Variants in GFM2 observed in about 807,000 individuals in gnomAD.
The protein encoded by GFM2 is GTP dependent ribosome recycling factor mitochondrial 2, also known as ribosome-releasing factor 2, mitochondrial.
Under a neutral mutation model 95.4 loss-of-function variants are expected in GFM2, and 72 were observed. That is an observed-to-expected ratio of 0.76 (90% confidence interval 0.62 to 0.92). The LOEUF (loss-of-function observed/expected upper bound fraction) is 0.92. Among genes scored for constraint, GFM2 ranks in the 40% least tolerant of loss-of-function variants. GFM2 has a pLI of 0.00. For missense variants in GFM2, 825 were observed against 924.1 expected (o/e 0.89, Z 1.39); for synonymous variants, 276 against 317.5 (o/e 0.87, Z 1.39).
intron 17 of GFM2, among the ~76,000 whole-genome samples, chr5:74,729,820 A>C (rs1354938858): frequency 6.6e-6 from 1 of 152,090 alleles, no homozygotes; most frequent in African/African-American, 2.4e-5. Context: ...GAGTTTTTAC[A>C]TTTGGGAATA....
chr5:74,729,031 C>G (rs765372906), intron 17 of GFM2, among the ~76,000 whole-genome samples: 1 of 151,992 alleles, frequency 6.6e-6, no homozygotes, highest in Non-Finnish European at 1.5e-5. Context: ...GGATTACAGG[C>G]GTGAGCCACC....
intron 17 of GFM2, among the ~76,000 whole-genome samples, chr5:74,726,381 G>A (rs1375339853): frequency 1.3e-5 from 2 of 152,104 alleles, no homozygotes; most frequent in Non-Finnish European, 2.9e-5. Flanking sequence ...ATATGTTGAG[G>A]CACATGTTAC....
intron 10 of GFM2, among the ~76,000 whole-genome samples, chr5:74,744,917 T>C (rs982300785): frequency 2.0e-5 from 3 of 152,238 alleles, no homozygotes; most frequent in Non-Finnish European, 2.9e-5. Context: ...TAACTACACA[T>C]ATTTGCAACA....
intron 8 of GFM2, among the ~76,000 whole-genome samples, chr5:74,746,562 G>C (rs1468675559): frequency 6.6e-6 from 1 of 152,110 alleles, no homozygotes. Context: ...ACCATACAAG[G>C]CAACTAGCTT....
intron 11 of GFM2, among the ~76,000 whole-genome samples, chr5:74,741,172 G>A (rs1449642018): frequency 2.0e-5 from 3 of 152,108 alleles, no homozygotes; most frequent in Non-Finnish European, 4.4e-5. Flanking sequence ...GGTAATTGTA[G>A]TAGCCTGAAA....
In GFM2 at chr5:74,759,379, G is replaced by A. The variant is rs143465230; in HGVS notation, c.196C>T (p.Pro66Ser). 5 of 1,538,528 alleles carry A rather than the reference G, an allele frequency of 3.2e-6. No individual in the cohort carries two copies. The African/African-American group carries it at 4.2e-5, about 13-fold the overall frequency. The change falls in exon 4 of 21, where the codon CCC becomes TCC. Residue 66 changes from proline (P) to serine (S), a missense_variant. Coordinates refer to ENST00000296805, the MANE Select transcript of GFM2 (RefSeq NM_032380.5). Reference sequence around the variant, plus strand: ...AATGATAGTACTTACTTAGCTATGGGAGGATTGATGATGGAATGAAGGGAT... The same window carrying A: ...AATGATAGTACTTACTTAGCTATGGAAGGATTGATGATGGAATGAAGGGAT... ...IKSLHSIINP[P>S]IAKIRNIGIM... is the part of the protein sequence containing the mutation.
rs1437868536 is a variant in GFM2, at chr5:74,758,860, C to G, written c.293G>C (p.Arg98Thr). The part of the protein sequence containing the change: ...ERILYYSGYT[R>T]SLGDVDDGDT... The stretch of plus-strand genomic sequence containing the variant: ...GAATCCATTCTAACCTCCCAGTGAT[C>G]TTGTATATCCGGAATAGTACAATAT... The change falls in exon 5 of 21, where the codon AGA (arginine) becomes ACA (threonine). Residue 98 changes from arginine (R) to threonine (T), a missense_variant. Arg to Thr is a moderately conservative substitution (Grantham distance 71). Coordinates refer to ENST00000296805, the MANE Select transcript of GFM2 (RefSeq NM_032380.5). 4 of 1,593,526 alleles carry G rather than the reference C, an allele frequency of 2.5e-6. No homozygotes were observed. The South Asian group carries it at 4.4e-5, about 18-fold the overall frequency.
chr5:74,738,757 A>T (rs780509666), intron 12 of GFM2, 115 bp from the exon 13 acceptor site: 14 of 895,172 alleles, frequency 1.6e-5, no homozygotes, highest in Non-Finnish European at 2.3e-5. Flanking sequence ...ACTTAGAGCC[A>T]CTAAATAATG....
rs1221075961 is a variant in GFM2, at chr5:74,738,626, C to T, written c.1096G>A (p.Asp366Asn). The change falls in exon 13 of 21, where the codon GAC becomes AAC. Residue 366 changes from aspartate (D) to asparagine (N), a missense_variant. Coordinates refer to ENST00000296805, the MANE Select transcript of GFM2 (RefSeq NM_032380.5). ...NYEFLQWYKD[D>N]LCALAFKVLH... is the part of the protein sequence containing the mutation. ...ACTTTAAATGCCAATGCACATAAGT[C>T]ATCCTTATACCACTGCCTATAAAAT... The T allele has an allele frequency of 2.5e-6, 4 of 1,611,186 alleles. No individual in the cohort carries two copies. Among genetic ancestry groups the T allele is most frequent in the African/African-American group, 1.3e-5 (1 of 74,774 alleles).
intron 16 of GFM2, among the ~76,000 whole-genome samples, chr5:74,731,691 G>A (rs1742570967): frequency 6.6e-6 from 1 of 152,150 alleles, no homozygotes; most frequent in Admixed American, 6.5e-5. Context: ...GAAAATAGTT[G>A]TAAAATAATA....
At chr5:74,731,467 T>C (rs1742557611) in intron 16 of GFM2, among the ~76,000 whole-genome samples, 1 of 152,186 alleles carries the variant, frequency 6.6e-6, no homozygotes, top group Admixed American at 6.5e-5. Context: ...TGAGCTTCCC[T>C]GGTTGGCAAT....
chr5:74,736,502 T>C (rs967738132), intron 15 of GFM2: 1 of 985,214 alleles, frequency 1.0e-6, no homozygotes, highest in Non-Finnish European at 1.2e-6. Flanking sequence ...TCTAATCTAA[T>C]ATACTAGAAG....
chr5:74,765,635 A>T (rs1427555994), intron 1 of GFM2, among the ~76,000 whole-genome samples: 1 of 152,170 alleles, frequency 6.6e-6, no homozygotes, highest in Admixed American at 6.5e-5. Flanking sequence ...TAAAATATAC[A>T]AATGCTAGTT....
At position 74,751,416 on chromosome 5, in the gene GFM2, C is replaced by T; in HGVS notation, c.382G>A (p.Val128Ile). The change falls in exon 6 of 21, where the codon GTT becomes ATT. Residue 128 changes from valine to isoleucine, a missense_variant. Val to Ile is a conservative substitution (Grantham distance 29). Coordinates refer to ENST00000296805, the MANE Select transcript of GFM2 (RefSeq NM_032380.5). Reference protein sequence around the residue: ...ERGITIQSAAVTFDWKGYRVN... With the variant: ...ERGITIQSAAITFDWKGYRVN... Reference sequence around the variant, plus strand: ...CTATAACCTTTCCAATCAAATGTAACAGCAGCTGATTGAATAGTAATGCCT... The same window carrying T: ...CTATAACCTTTCCAATCAAATGTAATAGCAGCTGATTGAATAGTAATGCCT... The T allele has an allele frequency of 6.2e-7, 1 of 1,611,504 alleles. No individual in the cohort carries two copies. Among genetic ancestry groups the T allele is most frequent in the Non-Finnish European group, 8.5e-7 (1 of 1,177,660 alleles).
Position 74,721,255 on chromosome 5 carries a change from CTGTTTTT to C in GFM2, c.*393_*399del. 1 of 1,122,602 alleles carries C rather than the reference CTGTTTTT, an allele frequency of 8.9e-7. No homozygotes were observed. The highest frequency in any genetic ancestry group is 1.3e-5 in the South Asian group (1 of 79,620). 69.5% of individuals were successfully genotyped at this position (1,122,602 alleles called of 1,614,324 possible). On this transcript the variant is annotated 3_prime_UTR_variant, in exon 21 of 21. Transcript: ENST00000296805. ...AAATCATGTAAAATAAGATATTAGA[CTGTTTTT>C]TGAATAAAATATTTTTATTGATTGA...
At chr5:74,723,518 G>A (rs1750013669) in intron 19 of GFM2, among the ~76,000 whole-genome samples, 1 of 151,992 alleles carries the variant, frequency 6.6e-6, no homozygotes, top group Non-Finnish European at 1.5e-5. Context: ...TGGCATCCTA[G>A]GTCAAACTTA....
intron 19 of GFM2, among the ~76,000 whole-genome samples, chr5:74,723,012 T>G (rs1749985418): frequency 1.3e-5 from 2 of 152,102 alleles, no homozygotes; most frequent in Non-Finnish European, 1.5e-5. Context: ...ATCTTAGATT[T>G]CAAAGGCCAA....
At chr5:74,755,003 G>A (rs1743907899) in intron 5 of GFM2, among the ~76,000 whole-genome samples, 1 of 152,136 alleles carries the variant, frequency 6.6e-6, no homozygotes, top group African/African-American at 2.4e-5. Context: ...GGCTGAGGTA[G>A]GGGAATTGCT....
At position 74,731,814 on chromosome 5, in the gene GFM2, G is replaced by T. The variant is rs1249596454; in HGVS notation, c.1587+1208C>A. 2.0e-5 allele frequency among the ~76,000 whole-genome samples: 3 copies of T among 151,884 alleles called. No homozygotes were observed. In the East Asian group the frequency reaches 5.8e-4, roughly 29 times the overall value. On this transcript the variant is annotated intron_variant, in intron 16 of 20. Coordinates refer to ENST00000296805, the MANE Select transcript of GFM2 (RefSeq NM_032380.5). ...ATATGTTTGGGTAAAAAGTGTGAAA[G>T]GCTATTCACCAAGTTTTCAGTGGTT...
Sources: gnomAD v4.1 joint callset for allele counts (sites outside exome capture counted in the v4.1 genomes callset) on GRCh38, gnomAD v4.1.1 for gene constraint, MANE v1.5 for transcripts, NCBI Gene and HGNC (gene_info 2026-07-23, HGNC 2026-07-21) for gene names.